Variants in APP observed in about 807,000 individuals in gnomAD.
The protein encoded by APP is amyloid beta precursor protein.
APP carries 31 observed loss-of-function variants against 101.4 expected under a neutral mutation model. The ratio of observed to expected loss-of-function variants is 0.31; its 90% confidence interval spans 0.23 to 0.41. APP has a LOEUF of 0.41. Among genes scored for constraint, APP ranks in the 10% least tolerant of loss-of-function variants. The pLI is 1.00. For missense variants in APP, 839 were observed against 1,003.7 expected (o/e 0.84, Z 2.22); for synonymous variants, 366 against 364.4 (o/e 1.00, Z -0.05).
At chr21:26,140,045 CA>C in intron 1 of APP, 2 of 916,874 alleles carry the variant, frequency 2.2e-6, no homozygotes, top group Non-Finnish European at 1.7e-6. Context: ...CTACTTTGGT[CA>C]CAATAAGTAA....
At chr21:25,978,722 G>A (rs999672818) in intron 9 of APP, among the ~76,000 whole-genome samples, 1 of 152,226 alleles carries the variant, frequency 6.6e-6, no homozygotes, top group African/African-American at 2.4e-5. Flanking sequence ...GGGAGGCCCA[G>A]GCGGGTGGAT....
At chr21:26,114,507 G>C (rs1344955535) in intron 1 of APP, among the ~76,000 whole-genome samples, 2 of 152,170 alleles carry the variant, frequency 1.3e-5, no homozygotes, top group Non-Finnish European at 2.9e-5. Context: ...TCACTGAAGG[G>C]CATGATGATG....
At chr21:25,904,368 A>G (rs2038674476) in intron 15 of APP, among the ~76,000 whole-genome samples, 1 of 152,180 alleles carries the variant, frequency 6.6e-6, no homozygotes, top group African/African-American at 2.4e-5. Context: ...AGAAGTGTCT[A>G]TTTCAGTGTT....
At chr21:26,055,174 G>T (rs1391681631) in intron 3 of APP, among the ~76,000 whole-genome samples, 1 of 152,098 alleles carries the variant, frequency 6.6e-6, no homozygotes, top group African/African-American at 2.4e-5. Flanking sequence ...GTGTCACTTT[G>T]CAGGGAAGAA....
intron 13 of APP, among the ~76,000 whole-genome samples, chr21:25,912,454 C>T (rs564578897): frequency 3.9e-5 from 6 of 152,180 alleles, no homozygotes; most frequent in Admixed American, 1.3e-4. Flanking sequence ...ATTAAAGGGC[C>T]AGTAGTTTGC....
intron 13 of APP, among the ~76,000 whole-genome samples, chr21:25,917,878 C>A (rs929995025): frequency 5.3e-5 from 8 of 150,868 alleles, no homozygotes; most frequent in Non-Finnish European, 1.2e-4. Flanking sequence ...TGAACAGACA[C>A]TTCTCAAAAC....
chr21:26,125,652 C>T (rs1327632816), intron 1 of APP, among the ~76,000 whole-genome samples: 1 of 151,282 alleles, frequency 6.6e-6, no homozygotes, highest in Non-Finnish European at 1.5e-5. Flanking sequence ...CACCAGGCTA[C>T]AGAATGTGAG....
chr21:25,887,540 A>C (rs10586767), intron 17 of APP, among the ~76,000 whole-genome samples: 45,435 of 138,526 alleles, frequency 0.33, 7,341 homozygotes, highest in Middle Eastern at 0.46. Context: ...AAAAAAAAAA[A>C]CAACAACTAG....
At chr21:25,977,595 T>C (rs2042270715) in intron 9 of APP, among the ~76,000 whole-genome samples, 1 of 152,250 alleles carries the variant, frequency 6.6e-6, no homozygotes. Context: ...TTATTGTCCA[T>C]TGGCATTCAT....
At chr21:25,950,474 G>GA (rs2041025232) in intron 13 of APP, among the ~76,000 whole-genome samples, 1 of 144,826 alleles carries the variant, frequency 6.9e-6, no homozygotes. Context: ...TCTGCCTCCC[G>GA]AGTTCAAGTG....
intron 8 of APP, among the ~76,000 whole-genome samples, chr21:25,996,769 AC>A (rs1348240649): frequency 6.6e-6 from 1 of 152,186 alleles, no homozygotes; most frequent in Non-Finnish European, 1.5e-5. Context: ...CAGCCCACTT[AC>A]CGAACTGGAT....
intron 3 of APP, among the ~76,000 whole-genome samples, chr21:26,058,245 T>A (rs568666087): frequency 6.6e-6 from 1 of 152,344 alleles, no homozygotes; most frequent in Non-Finnish European, 1.5e-5. Context: ...TTGTTGTTTT[T>A]TCCTCTAATA....
At chr21:25,981,767 G>C (rs1048156245) in intron 9 of APP, among the ~76,000 whole-genome samples, 66 of 148,358 alleles carry the variant, frequency 4.4e-4, no homozygotes, top group Admixed American at 2.1e-3. Flanking sequence ...ACTGTACTAG[G>C]AGCAAGAAAG....
chr21:25,943,918 G>A (rs1468671487), intron 13 of APP, among the ~76,000 whole-genome samples: 1 of 152,150 alleles, frequency 6.6e-6, no homozygotes, highest in Non-Finnish European at 1.5e-5. Flanking sequence ...TAAATCGCAT[G>A]TATAAAAATT....
chr21:26,054,402 G>A (rs896189089), intron 3 of APP, among the ~76,000 whole-genome samples: 1 of 152,110 alleles, frequency 6.6e-6, no homozygotes, highest in Non-Finnish European at 1.5e-5. Flanking sequence ...GGATGGATGG[G>A]TAGCAAAAGA....
intron 3 of APP, among the ~76,000 whole-genome samples, chr21:26,055,376 C>A (rs1334369106): frequency 6.6e-6 from 1 of 152,138 alleles, no homozygotes; most frequent in African/African-American, 2.4e-5. Context: ...CATGATAATG[C>A]AAATGATACC....
At chr21:26,073,892 C>T (rs1373123791) in intron 3 of APP, among the ~76,000 whole-genome samples, 1 of 152,118 alleles carries the variant, frequency 6.6e-6, no homozygotes, top group Non-Finnish European at 1.5e-5. Flanking sequence ...GAACATGAGC[C>T]TATTCATGTT....
intron 11 of APP, among the ~76,000 whole-genome samples, chr21:25,968,437 A>G (rs1697139414): frequency 6.6e-6 from 1 of 150,634 alleles, no homozygotes; most frequent in Non-Finnish European, 1.5e-5. Context: ...CTGGGATTAC[A>G]GCTGTGAGCC....
Position 26,047,069 on chromosome 21 carries a change from A to T in APP, c.662+3931T>A, listed in dbSNP as rs142410754. On this transcript the variant is annotated intron_variant, in intron 5 of 17. Transcript: ENST00000346798. ...TATGACCATTACAACACTGGAGAAA[A>T]ATATACTCGGTAATTTACACATAAA... Among the ~76,000 whole-genome samples the T allele has an allele frequency of 2.1e-3, 322 of 152,250 alleles. 2 individuals carry two copies. Among genetic ancestry groups the T allele is most frequent in the African/African-American group, 7.4e-3 (308 of 41,532 alleles).
Sources: allele counts gnomAD v4.1 joint callset (sites outside exome capture counted in the v4.1 genomes callset), GRCh38; gene constraint gnomAD v4.1.1; transcripts MANE v1.5; gene names NCBI Gene and HGNC (gene_info 2026-07-23, HGNC 2026-07-21).